HKDC1: variants seen among roughly 807,000 people sequenced by gnomAD.
HKDC1 encodes the protein hexokinase HKDC1.
HKDC1 carries 66 observed loss-of-function variants against 96.6 expected under a neutral mutation model. The observed-to-expected ratio is 0.68, with a 90% CI of 0.56 to 0.84. HKDC1 has a LOEUF of 0.84. Among genes scored for constraint, HKDC1 ranks in the 40% least tolerant of loss-of-function variants. The probability of loss-of-function intolerance (pLI) is 0.00; values close to 1 mark genes in which losing one functional copy is unlikely to be tolerated. For missense variants in HKDC1, 1,211 were observed against 1,208.1 expected (o/e 1.00, Z -0.04); for synonymous variants, 466 against 473.1 (o/e 0.98, Z 0.20).
chr10:69,239,101 G>A lies in HKDC1; in HGVS notation c.555G>A (p.Val185=), dbSNP rs1843411033. Reference sequence around the variant, plus strand: ...CACGAGGAGTTCAGGACACGGATGTGGTGAGCCGTCTGACCAAAGCCATGA... The same window carrying A: ...CACGAGGAGTTCAGGACACGGATGTAGTGAGCCGTCTGACCAAAGCCATGA... ...FKARGVQDTD[V]VSRLTKAMRR... is the part of the protein sequence containing the mutation. The change falls in exon 5 of 18, where the codon GTG becomes GTA. Residue 185 remains valine, a synonymous_variant. Coordinates refer to ENST00000354624, the MANE Select transcript of HKDC1 (RefSeq NM_025130.4). 1 of 1,613,818 alleles carries A rather than the reference G, an allele frequency of 6.2e-7. No individual in the cohort carries two copies. The highest frequency in any genetic ancestry group is 1.3e-5 in the African/African-American group (1 of 74,920).
Position 69,265,583 on chromosome 10 carries a change from A to T in HKDC1, c.2373-2A>T. On this transcript the variant is annotated splice_acceptor_variant, in intron 16 of 17. Transcript: ENST00000354624. LOFTEE classifies it high-confidence loss of function. ...CCTGACTCCCTGCTCTATTGCCTGCAGCGATCGGCTGGCCCTTCTCCAGGT... is the reference window on the plus strand; with the variant it reads ...CCTGACTCCCTGCTCTATTGCCTGCTGCGATCGGCTGGCCCTTCTCCAGGT... 6.2e-7 allele frequency: 1 copy of T among 1,613,504 alleles called. No individual in the cohort carries two copies. The highest frequency in any genetic ancestry group is 8.5e-7 in the Non-Finnish European group (1 of 1,179,796).
intron 1 of HKDC1, among the ~76,000 whole-genome samples, chr10:69,224,597 T>C (rs1043073899): frequency 1.3e-5 from 2 of 152,258 alleles, no homozygotes; most frequent in Non-Finnish European, 2.9e-5. Flanking sequence ...TAGAGATTTA[T>C]GGTTCTCCAT....
At chr10:69,266,463 T>TAAAAA (rs35672201) in intron 17 of HKDC1, 147 bp from the exon 18 acceptor site, 11,374 of 545,902 alleles carry the variant, frequency 0.021, 11 homozygotes, top group South Asian at 0.037. Flanking sequence ...AGACCATGTC[T>TAAAAA]AAAAAAAAAA....
intron 2 of HKDC1, among the ~76,000 whole-genome samples, chr10:69,228,521 C>T (rs1437360516): frequency 6.6e-6 from 1 of 152,078 alleles, no homozygotes; most frequent in Non-Finnish European, 1.5e-5. Context: ...TCTATGAGGT[C>T]CCATCCAACT....
At chr10:69,258,754 G>T (rs369431597) in intron 14 of HKDC1, 22 bp from the exon 15 acceptor site, 4 of 1,613,330 alleles carry the variant, frequency 2.5e-6, no homozygotes, top group South Asian at 1.1e-5. Context: ...GAAGACTAAG[G>T]TTCCTTCACA....
At chr10:69,258,708 C>T (rs780849746) in intron 14 of HKDC1, 68 bp from the exon 15 acceptor site, 4 of 1,482,644 alleles carry the variant, frequency 2.7e-6, no homozygotes, top group Non-Finnish European at 3.8e-6. Context: ...TTATTTGCTG[C>T]ACTCTGCCAC....
rs1843173634 is a variant in HKDC1 at position 69,227,236 on chromosome 10, C to G, written c.93C>G (p.Leu31=). 6.2e-7 allele frequency: 1 copy of G among 1,614,148 alleles called. No homozygotes were observed. Among genetic ancestry groups the G allele is most frequent in the Non-Finnish European group, 8.5e-7 (1 of 1,180,018 alleles). Residue 31 remains leucine (L), a synonymous_variant, in exon 2 of 18, where the codon CTC becomes CTG. Coordinates refer to ENST00000354624, the MANE Select transcript of HKDC1 (RefSeq NM_025130.4). ...ACAGGTTCCTGTATCACATGCGGCT[C>G]TCCGATGACACCCTTTTGGACATCA... ...KVDRFLYHMR[L]SDDTLLDIMR...
intron 4 of HKDC1, among the ~76,000 whole-genome samples, chr10:69,237,394 AAAG>A (rs1332450803): frequency 6.6e-6 from 1 of 152,054 alleles, no homozygotes; most frequent in African/African-American, 2.4e-5. Context: ...GGAAAAGTTT[AAAG>A]AAGAAAATAG....
chr10:69,248,313 T>G (rs1161188768), intron 9 of HKDC1, 111 bp from the exon 10 acceptor site: 4 of 1,116,128 alleles, frequency 3.6e-6, no homozygotes, highest in Middle Eastern at 2.9e-4. Flanking sequence ...AATAAAGGGC[T>G]GAGCCCCGCC....
chr10:69,252,409 G>T (rs1279861462), intron 12 of HKDC1, among the ~76,000 whole-genome samples: 2 of 152,082 alleles, frequency 1.3e-5, no homozygotes, highest in Non-Finnish European at 2.9e-5. Context: ...ACTTTGGGAG[G>T]CCAAGACGGG....
At chr10:69,257,173 TC>T in intron 13 of HKDC1, 42 bp downstream of exon 13, 2 of 1,561,758 alleles carry the variant, frequency 1.3e-6, no homozygotes, top group Non-Finnish European at 1.8e-6. Context: ...CTTGCTGCCT[TC>T]CCCAGGCCCC....
intron 6 of HKDC1, 119 bp from the exon 7 acceptor site, chr10:69,243,063 C>T (rs1005609258): frequency 4.0e-6 from 4 of 994,266 alleles, no homozygotes; most frequent in African/African-American, 3.2e-5. Context: ...GAGCCAGCCC[C>T]CAGGGAATGA....
chr10:69,231,903 A>G (rs1843267184), intron 2 of HKDC1, among the ~76,000 whole-genome samples: 1 of 152,158 alleles, frequency 6.6e-6, no homozygotes, highest in South Asian at 2.1e-4. Flanking sequence ...CCAAATAATA[A>G]ATGACTCCAT....
At chr10:69,265,173 G>A (rs761672283) in intron 16 of HKDC1, among the ~76,000 whole-genome samples, 1 of 152,130 alleles carries the variant, frequency 6.6e-6, no homozygotes, top group Non-Finnish European at 1.5e-5. Context: ...GAGCTGGCAC[G>A]ATTTGTGGGA....
chr10:69,248,293 A>C, intron 9 of HKDC1, 131 bp from the exon 10 acceptor site: 2 of 889,630 alleles, frequency 2.2e-6, no homozygotes, highest in Non-Finnish European at 3.4e-6. Flanking sequence ...TCCCCTCCCT[A>C]CCATCAGCAA....
Position 69,246,245 on chromosome 10 carries a change from C to T in HKDC1, c.1031+11C>T. ...GGCTGCCATGGAGAAGTAAGCAAGTCCCTCTGCCTTGGCTCTGTGGAGGGC... is the reference window on the plus strand; with the variant it reads ...GGCTGCCATGGAGAAGTAAGCAAGTTCCTCTGCCTTGGCTCTGTGGAGGGC... On this transcript the variant is annotated intron_variant, in intron 8 of 17. Coordinates refer to ENST00000354624, the MANE Select transcript of HKDC1 (RefSeq NM_025130.4). 1 of 1,612,902 alleles carries T rather than the reference C, an allele frequency of 6.2e-7. No individual in the cohort carries two copies. The highest frequency in any genetic ancestry group is 8.5e-7 in the Non-Finnish European group (1 of 1,179,654).
chr10:69,233,739 A>C (rs1418226553), intron 4 of HKDC1, among the ~76,000 whole-genome samples: 1 of 151,978 alleles, frequency 6.6e-6, no homozygotes, highest in Non-Finnish European at 1.5e-5. Context: ...TCTACTAAAA[A>C]TGCAAAAAAT....
intron 4 of HKDC1, among the ~76,000 whole-genome samples, chr10:69,234,878 C>T (rs1009198153): frequency 1.3e-5 from 2 of 152,236 alleles, no homozygotes; most frequent in Non-Finnish European, 2.9e-5. Flanking sequence ...TTGATTCCAT[C>T]GTGGGAATTT....
intron 2 of HKDC1, 51 bp from the exon 3 acceptor site, chr10:69,232,713 A>G: frequency 1.9e-6 from 3 of 1,546,060 alleles, no homozygotes; most frequent in Non-Finnish European, 2.7e-6. Flanking sequence ...AGAGCTTGCC[A>G]TATCTGTAGT....
Sources: gnomAD v4.1 joint callset for allele counts (sites outside exome capture counted in the v4.1 genomes callset) on GRCh38, gnomAD v4.1.1 for gene constraint, MANE v1.5 for transcripts, NCBI Gene and HGNC (gene_info 2026-07-23, HGNC 2026-07-21) for gene names.